PGR: variants seen among roughly 807,000 people sequenced by gnomAD.
The protein encoded by PGR is progesterone receptor.
A neutral mutation model predicts 76.1 loss-of-function variants in PGR; 25 were observed. The observed-to-expected ratio is 0.33, with a 90% CI of 0.24 to 0.46. The LOEUF (loss-of-function observed/expected upper bound fraction) is 0.46, where lower values mean the gene tolerates loss of function less well. Among genes scored for constraint, PGR ranks in the 20% least tolerant of loss-of-function variants. The probability of loss-of-function intolerance (pLI) is 1.00; values close to 1 mark genes in which losing one functional copy is unlikely to be tolerated. For missense variants in PGR, 1,172 were observed against 1,225.3 expected (o/e 0.96, Z 0.65); for synonymous variants, 579 against 535.0 (o/e 1.08, Z -1.14).
intron 2 of PGR, among the ~76,000 whole-genome samples, chr11:101,119,262 C>T (rs1347231496): frequency 6.6e-6 from 1 of 152,146 alleles, no homozygotes; most frequent in African/African-American, 2.4e-5. Context: ...CAGTCCACAT[C>T]CTAGGGGTTG....
chr11:101,062,968 T>A, intron 3 of PGR: 1 of 442,774 alleles, frequency 2.3e-6, no homozygotes, highest in Non-Finnish European at 4.0e-6. Flanking sequence ...CAGACTTGGA[T>A]TAAATAATTA....
At chr11:101,046,101 TA>T (rs542795615) in intron 6 of PGR, among the ~76,000 whole-genome samples, 1,541 of 146,102 alleles carry the variant, frequency 0.011, 32 homozygotes, top group African/African-American at 0.038. Flanking sequence ...GATTTTAGTG[TA>T]ATTTATTTAT....
rs182047640 is a variant in PGR at position 101,104,440 on chromosome 11, T to C, written c.1790-12564A>G. On this transcript the variant is annotated intron_variant, in intron 2 of 7. Coordinates refer to ENST00000325455, the MANE Select transcript of PGR (RefSeq NM_000926.4). Reference sequence around the variant, plus strand: ...AGATAAACATTTTATAAGGCTGTTATATGGATTAAGTGAGCTAAATTAGAT... The same window carrying C: ...AGATAAACATTTTATAAGGCTGTTACATGGATTAAGTGAGCTAAATTAGAT... Among the ~76,000 whole-genome samples, 36 of 152,362 alleles carry C rather than the reference T, an allele frequency of 2.4e-4. 3 individuals are homozygous for C. In the South Asian group the frequency reaches 5.8e-3, roughly 25 times the overall value.
rs1259569134 is a variant in PGR at position 101,129,421 on chromosome 11, T to A, written c.-351A>T. 3.5e-6 allele frequency: 1 copy of A among 285,936 alleles called. No homozygotes were observed. The highest frequency in any genetic ancestry group is 6.5e-6 in the Non-Finnish European group (1 of 153,162). 17.7% of individuals were successfully genotyped at this position (285,936 alleles called of 1,614,324 possible). ...CTGTCCGAGGACTGGAGACGCAGAG[T>A]ACTCACAAGTCCGGCACTTGAGTGG... On this transcript the variant is annotated 5_prime_UTR_variant, in exon 1 of 8. Transcript: ENST00000325455.
chr11:101,105,346 T>G (rs545795933), intron 2 of PGR, among the ~76,000 whole-genome samples: 12 of 152,292 alleles, frequency 7.9e-5, no homozygotes, highest in Non-Finnish European at 1.5e-4. Flanking sequence ...GAAATGAGAC[T>G]GTCAGGAGAC....
At chr11:101,078,237 C>T (rs975172874) in intron 3 of PGR, among the ~76,000 whole-genome samples, 1 of 151,814 alleles carries the variant, frequency 6.6e-6, no homozygotes, top group East Asian at 1.9e-4. Context: ...TCTAACACAA[C>T]CTTTTAAAAT....
intron 5 of PGR, 50 bp from the exon 6 acceptor site, chr11:101,050,109 G>A (rs1434361202): frequency 1.3e-6 from 2 of 1,594,554 alleles, no homozygotes; most frequent in Non-Finnish European, 1.7e-6. Context: ...AAAAAAAATA[G>A]TGTCTCAGCC....
chr11:101,114,025 G>T (rs1310022103), intron 2 of PGR, among the ~76,000 whole-genome samples: 3 of 152,120 alleles, frequency 2.0e-5, no homozygotes, highest in Admixed American at 1.3e-4. Flanking sequence ...GCTTAAAGAA[G>T]ATAAACCATT....
At chr11:101,121,932 C>T (rs498038) in intron 2 of PGR, among the ~76,000 whole-genome samples, 37,241 of 151,912 alleles carry the variant, frequency 0.25, 5,693 homozygotes, top group Non-Finnish European at 0.35. Flanking sequence ...TTTGGGAGGC[C>T]GAGGCAGGCG....
intron 1 of PGR, 137 bp downstream of exon 1, chr11:101,127,297 T>TCCCGCTGCCCAC: frequency 1.8e-6 from 1 of 553,726 alleles, no homozygotes; most frequent in Non-Finnish European, 3.0e-6. Context: ...CTGTGCTGTG[T>TCCCGCTGCCCAC]CCCGCTGCCC....
intron 2 of PGR, among the ~76,000 whole-genome samples, chr11:101,111,628 A>G (rs377014546): frequency 6.6e-5 from 10 of 152,302 alleles, no homozygotes; most frequent in African/African-American, 2.4e-4. Flanking sequence ...GGCGAGGTGC[A>G]GAAATCATCT....
intron 2 of PGR, among the ~76,000 whole-genome samples, chr11:101,122,859 GC>G (rs1445463446): frequency 1.3e-5 from 2 of 152,106 alleles, no homozygotes; most frequent in Non-Finnish European, 2.9e-5. Flanking sequence ...TCTTATTGCT[GC>G]CCTAAATGTG....
intron 2 of PGR, among the ~76,000 whole-genome samples, chr11:101,097,597 A>G (rs1163934041): frequency 6.6e-6 from 1 of 152,186 alleles, no homozygotes; most frequent in Non-Finnish European, 1.5e-5. Flanking sequence ...GTTATACTCA[A>G]CAGTATAAGA....
chr11:101,072,888 C>A (rs1860990382), intron 3 of PGR, among the ~76,000 whole-genome samples: 1 of 152,108 alleles, frequency 6.6e-6, no homozygotes, highest in South Asian at 2.1e-4. Flanking sequence ...CTTTTAACAC[C>A]CTACTGTCAA....
At chr11:101,077,315 T>C (rs1170516251) in intron 3 of PGR, among the ~76,000 whole-genome samples, 1 of 152,112 alleles carries the variant, frequency 6.6e-6, no homozygotes, top group Non-Finnish European at 1.5e-5. Context: ...AACAATCCTT[T>C]ATAGCACTGA....
intron 3 of PGR, among the ~76,000 whole-genome samples, chr11:101,084,381 G>A (rs984160245): frequency 5.3e-5 from 8 of 152,134 alleles, no homozygotes; most frequent in Non-Finnish European, 1.2e-4. Context: ...AGTGGGTCCA[G>A]GCACAGTGGC....
At chr11:101,107,977 G>C (rs1179083978) in intron 2 of PGR, among the ~76,000 whole-genome samples, 3 of 151,946 alleles carry the variant, frequency 2.0e-5, no homozygotes, top group African/African-American at 4.8e-5. Flanking sequence ...GAACTGGCCA[G>C]GTGCAGTGGC....
chr11:101,065,175 T>C (rs113962265), intron 3 of PGR, among the ~76,000 whole-genome samples: 97 of 152,364 alleles, frequency 6.4e-4, no homozygotes, highest in African/African-American at 1.1e-3. Context: ...CCTGTAAGGA[T>C]AGGGGCTAGG....
chr11:101,123,335 G>A (rs1050338833), intron 2 of PGR, among the ~76,000 whole-genome samples: 3 of 151,862 alleles, frequency 2.0e-5, no homozygotes, highest in African/African-American at 7.3e-5. Flanking sequence ...TAAACTTCTG[G>A]CCATATTGGC....
Sources: gnomAD v4.1 joint callset for allele counts (sites outside exome capture counted in the v4.1 genomes callset) on GRCh38, gnomAD v4.1.1 for gene constraint, MANE v1.5 for transcripts, NCBI Gene and HGNC (gene_info 2026-07-23, HGNC 2026-07-21) for gene names.